SLAMF7: variants seen among roughly 807,000 people sequenced by gnomAD.
SLAMF7 encodes the protein 19A24 protein.
Under a neutral mutation model 34.1 loss-of-function variants are expected in SLAMF7, and 26 were observed. The observed-to-expected ratio is 0.76, with a 90% CI of 0.56 to 1.06. The LOEUF (loss-of-function observed/expected upper bound fraction) is 1.06, where lower values mean the gene tolerates loss of function less well. Among genes scored for constraint, SLAMF7 ranks in the 50% least tolerant of loss-of-function variants. The pLI is 0.00. For synonymous variants in SLAMF7, 171 were observed against 156.4 expected, an observed-to-expected ratio of 1.09 and a Z score of -0.70; for missense variants, 399 against 402.5, an observed-to-expected ratio of 0.99 and a Z score of 0.07.
At position 160,750,429 on chromosome 1, in the gene SLAMF7, G is replaced by A. The variant is rs1664480063; in HGVS notation, c.769+6G>A. 6.2e-7 allele frequency: 1 copy of A among 1,612,612 alleles called. No homozygotes were observed. The highest frequency in any genetic ancestry group is 8.5e-7 in the Non-Finnish European group (1 of 1,179,418). The stretch of plus-strand genomic sequence containing the variant: ...GAAGAGAGAGAGACAAGAAGGTAGA[G>A]CGTGTACTATTTTTGTCCTCACCCA... On this transcript the variant is annotated splice_donor_region_variant and intron_variant, in intron 4 of 6. Coordinates refer to ENST00000368043, the MANE Select transcript of SLAMF7 (RefSeq NM_021181.5).
At chr1:160,752,408 A>T (rs1664707316) in intron 6 of SLAMF7, among the ~76,000 whole-genome samples, 160 bp downstream of exon 6, 1 of 152,194 alleles carries the variant, frequency 6.6e-6, no homozygotes, top group African/African-American at 2.4e-5. Context: ...ATACAAGAAC[A>T]TGGGGGATGG....
chr1:160,750,527 T>C, intron 4 of SLAMF7, 104 bp downstream of exon 4: 1 of 1,383,854 alleles, frequency 7.2e-7, no homozygotes, highest in African/African-American at 1.4e-5. Flanking sequence ...CATGAGGTGT[T>C]GAAGATGCAG....
intron 1 of SLAMF7, among the ~76,000 whole-genome samples, chr1:160,740,996 T>A (rs545908212): frequency 4.5e-4 from 69 of 152,330 alleles, no homozygotes; most frequent in African/African-American, 1.6e-3. Context: ...GCTCACTACA[T>A]GTGCATTTGA....
rs1248461227 is a variant in SLAMF7 at position 160,753,465 on chromosome 1, A to G, written c.*288A>G. ...AAAAAGTGCTTAGAAGTATTCCTAT[A>G]AAAATGTAAATGCAAGGTCACACAT... On this transcript the variant is annotated 3_prime_UTR_variant, in exon 7 of 7. Coordinates refer to ENST00000368043, the MANE Select transcript of SLAMF7 (RefSeq NM_021181.5). 4.6e-6 allele frequency: 2 copies of G among 438,068 alleles called. No homozygotes were observed. The highest frequency in any genetic ancestry group is 2.0e-5 in the African/African-American group (1 of 49,778). 27.1% of individuals were successfully genotyped at this position (438,068 alleles called of 1,614,324 possible).
At chr1:160,741,627 A>G (rs1354381309) in intron 1 of SLAMF7, among the ~76,000 whole-genome samples, 2 of 152,294 alleles carry the variant, frequency 1.3e-5, no homozygotes, top group East Asian at 1.9e-4. Flanking sequence ...AAACAAATAA[A>G]TGACTCCAAT....
chr1:160,750,400 T>C lies in SLAMF7; in HGVS notation c.746T>C (p.Phe249Ser), dbSNP rs1055587. The C allele has an allele frequency of 2.3e-3, 3,723 of 1,614,004 alleles. 108 individuals carry two copies. In the South Asian group the frequency reaches 0.038, roughly 16 times the overall value. ...TTTGTACTGGGGCTATTTCTTTGGT[T>C]TCTGAAGAGAGAGAGACAAGAAGGT... ...SLFVLGLFLWFLKRERQEEYI... is the reference protein window; with the variant it reads ...SLFVLGLFLWSLKRERQEEYI... The change falls in exon 4 of 7, where the codon TTT (phenylalanine) becomes TCT (serine). Residue 249 changes from phenylalanine (F) to serine (S), a missense_variant. Coordinates refer to ENST00000368043, the MANE Select transcript of SLAMF7 (RefSeq NM_021181.5).
chr1:160,751,903 C>CAT (rs1664663918), intron 5 of SLAMF7: 1 of 116,100 alleles, frequency 8.6e-6, no homozygotes, highest in South Asian at 2.8e-4. Flanking sequence ...TATATATATA[C>CAT]ACACACATAT....
intron 1 of SLAMF7, among the ~76,000 whole-genome samples, chr1:160,747,002 CG>C: frequency 6.6e-6 from 1 of 152,094 alleles, no homozygotes; most frequent in African/African-American, 2.4e-5. Context: ...CTCTCTACAG[CG>C]GAAAGTCCTC....
At position 160,748,189 on chromosome 1, in the gene SLAMF7, T is replaced by C. The variant is rs773680670; in HGVS notation, c.56-5T>C. On this transcript the variant is annotated splice_polypyrimidine_tract_variant and splice_region_variant and intron_variant, in intron 1 of 6. Transcript: ENST00000368043. ...GGCTTATTTTATGGTTCTCTGTGTT[T>C]ATAGGGTCAGCAGCCTCTGGACCCG... 1.2e-6 allele frequency: 2 copies of C among 1,613,134 alleles called. No homozygotes were observed. Among genetic ancestry groups the C allele is most frequent in the Non-Finnish European group, 1.7e-6 (2 of 1,179,480 alleles).
chr1:160,746,151 C>T (rs1321664476), intron 1 of SLAMF7, among the ~76,000 whole-genome samples: 1 of 151,982 alleles, frequency 6.6e-6, no homozygotes, highest in Non-Finnish European at 1.5e-5. Context: ...ATAAGGCCCA[C>T]GATAGTTTTA....
At chr1:160,740,833 G>A (rs954355615) in intron 1 of SLAMF7, among the ~76,000 whole-genome samples, 1 of 152,168 alleles carries the variant, frequency 6.6e-6, no homozygotes, top group East Asian at 1.9e-4. Context: ...TTTTACAGTT[G>A]AGGAAACTTA....
intron 6 of SLAMF7, 86 bp downstream of exon 6, chr1:160,752,334 G>T (rs1664702571): frequency 3.8e-6 from 4 of 1,047,946 alleles, no homozygotes; most frequent in African/African-American, 3.1e-5. Flanking sequence ...TTGGACCCAG[G>T]TATCTCATAC....
chr1:160,750,382 T>G lies in SLAMF7; in HGVS notation c.728T>G (p.Leu243Arg), dbSNP rs1191911566. 6 of 1,614,116 alleles carry G rather than the reference T, an allele frequency of 3.7e-6. No homozygotes were observed. The highest frequency in any genetic ancestry group is 4.2e-6 in the Non-Finnish European group (5 of 1,179,950). ...LVPLLLSLFV[L>R]GLFLWFLKRE... ...CCCCTCCTGCTCAGTCTCTTTGTAC[T>G]GGGGCTATTTCTTTGGTTTCTGAAG... is the stretch of plus-strand genomic sequence containing the variant. The change falls in exon 4 of 7, where the codon CTG becomes CGG. Residue 243 changes from leucine (L) to arginine (R), a missense_variant. Physicochemically the swap from Leu to Arg is moderately radical, Grantham distance 102 (BLOSUM62 -2). Coordinates refer to ENST00000368043, the MANE Select transcript of SLAMF7 (RefSeq NM_021181.5).
chr1:160,750,118 G>A (rs769928351), intron 3 of SLAMF7, 25 bp downstream of exon 3: 3 of 1,609,054 alleles, frequency 1.9e-6, no homozygotes, highest in Non-Finnish European at 1.7e-6. Context: ...CCTCTCCACA[G>A]GAGACTCTGC....
intron 1 of SLAMF7, among the ~76,000 whole-genome samples, chr1:160,741,628 T>C (rs1012111328): frequency 2.0e-5 from 3 of 152,100 alleles, no homozygotes; most frequent in Non-Finnish European, 2.9e-5. Context: ...AACAAATAAA[T>C]GACTCCAATG....
In SLAMF7 at chr1:160,748,480, G is replaced by A. The variant is rs1664305156; in HGVS notation, c.342G>A (p.Gln114=). 6.2e-7 allele frequency: 1 copy of A among 1,613,804 alleles called. No individual in the cohort carries two copies. The highest frequency in any genetic ancestry group is 1.7e-5 in the Admixed American group (1 of 59,994). ...GGATATACAGCTCATCACTCCAGCA[G>A]CCCTCCACCCAGGAGTACGTGCTGC... ...YVGIYSSSLQ[Q]PSTQEYVLHV... The change falls in exon 2 of 7, where the codon CAG becomes CAA. Residue 114 remains glutamine (Q), a synonymous_variant. Transcript: ENST00000368043.
intron 2 of SLAMF7, among the ~76,000 whole-genome samples, chr1:160,748,830 A>G (rs1664332860): frequency 6.6e-6 from 1 of 152,172 alleles, no homozygotes; most frequent in African/African-American, 2.4e-5. Context: ...TAGTTTCCAT[A>G]TCTGTAGTGG....
chr1:160,742,027 G>A (rs1255099832), intron 1 of SLAMF7, among the ~76,000 whole-genome samples: 1 of 152,086 alleles, frequency 6.6e-6, no homozygotes, highest in Non-Finnish European at 1.5e-5. Context: ...GGGTTGGCAA[G>A]CAGGAGGCAG....
Position 160,751,457 on chromosome 1 carries a change from C to T in SLAMF7, c.873+9C>T, listed in dbSNP as rs759868022. The stretch of plus-strand genomic sequence containing the variant: ...CAATCCCTCACACTAATGTGAGTCC[C>T]TTCTCATCTTTCCTGAGAACTGATC... On this transcript the variant is annotated intron_variant, in intron 5 of 6. Coordinates refer to ENST00000368043, the MANE Select transcript of SLAMF7 (RefSeq NM_021181.5). The T allele has an allele frequency of 1.9e-6, 3 of 1,592,402 alleles. No homozygotes were observed. The highest frequency in any genetic ancestry group is 2.6e-6 in the Non-Finnish European group (3 of 1,160,214).
Sources: allele counts gnomAD v4.1 joint callset (sites outside exome capture counted in the v4.1 genomes callset), GRCh38; gene constraint gnomAD v4.1.1; transcripts MANE v1.5; gene names NCBI Gene and HGNC (gene_info 2026-07-23, HGNC 2026-07-21).